Variants in ADAMTSL1 observed in about 807,000 individuals in gnomAD.
ADAMTSL1 encodes the protein ADAMTS like 1, also known as ADAMTS-like protein 1.
A neutral mutation model predicts 201.8 loss-of-function variants in ADAMTSL1; 126 were observed. The ratio of observed to expected loss-of-function variants is 0.62; its 90% CI spans 0.54 to 0.72. The LOEUF (loss-of-function observed/expected upper bound fraction) is 0.72, where lower values mean the gene tolerates loss of function less well. Among genes scored for constraint, ADAMTSL1 ranks in the 30% least tolerant of loss-of-function variants. The pLI, the probability that ADAMTSL1 is intolerant of heterozygous loss-of-function variation, is 0.00. For missense variants in ADAMTSL1, 2,679 were observed against 2,277.8 expected, an observed-to-expected ratio of 1.18 and a Z score of -3.59; for synonymous variants, 1,121 against 903.4, an observed-to-expected ratio of 1.24 and a Z score of -4.32.
intron 2 of ADAMTSL1, among the ~76,000 whole-genome samples, chr9:18,187,009 G>C (rs773467296): frequency 6.6e-6 from 1 of 152,148 alleles, no homozygotes; most frequent in African/African-American, 2.4e-5. Flanking sequence ...GAATACTTCA[G>C]TGGAAAGATA....
intron 8 of ADAMTSL1, among the ~76,000 whole-genome samples, chr9:18,658,453 CTTAA>C (rs1217609967): frequency 2.0e-5 from 3 of 152,154 alleles, no homozygotes; most frequent in African/African-American, 7.2e-5. Context: ...ATCAGGCTTA[CTTAA>C]TTAGAGAAAA....
intron 2 of ADAMTSL1, among the ~76,000 whole-genome samples, chr9:18,327,551 A>G (rs1223764707): frequency 6.6e-6 from 1 of 152,220 alleles, no homozygotes; most frequent in African/African-American, 2.4e-5. Flanking sequence ...GTAGATGTAG[A>G]TACTATAATA....
intron 2 of ADAMTSL1, among the ~76,000 whole-genome samples, chr9:18,415,547 C>G (rs1422066513): frequency 6.6e-6 from 1 of 152,044 alleles, no homozygotes; most frequent in East Asian, 1.9e-4. Flanking sequence ...AAGTATCAGT[C>G]AGCTGTGATA....
At chr9:18,197,126 A>G (rs1184340464) in intron 2 of ADAMTSL1, among the ~76,000 whole-genome samples, 2 of 152,172 alleles carry the variant, frequency 1.3e-5, no homozygotes, top group Admixed American at 6.6e-5. Context: ...TATTCAGAGT[A>G]ATGACTGAGT....
intron 17 of ADAMTSL1, among the ~76,000 whole-genome samples, chr9:18,773,153 A>T (rs961695280): frequency 6.6e-6 from 1 of 152,138 alleles, no homozygotes; most frequent in African/African-American, 2.4e-5. Context: ...TAAATGATCT[A>T]TGGGTGTTTT....
intron 13 of ADAMTSL1, among the ~76,000 whole-genome samples, chr9:18,696,056 CTT>C (rs1334795747): frequency 6.6e-6 from 1 of 152,152 alleles, no homozygotes; most frequent in Non-Finnish European, 1.5e-5. Flanking sequence ...AACCAGATCT[CTT>C]GAGAGCTCAC....
rs764624501 is a variant in ADAMTSL1 at position 18,775,776 on chromosome 9, C to G, written c.2431C>G (p.Arg811Gly). 2.5e-6 allele frequency: 4 copies of G among 1,612,984 alleles called. No homozygotes were observed. Among genetic ancestry groups the G allele is most frequent in the African/African-American group, 1.3e-5 (1 of 75,018 alleles). Residue 811 changes from arginine (R) to glycine (G), a missense_variant, in exon 18 of 29, where the codon CGA becomes GGA. Physicochemically the swap from Arg to Gly is moderately radical, Grantham distance 125 (BLOSUM62 -2). Coordinates refer to ENST00000380548, the MANE Select transcript of ADAMTSL1 (RefSeq NM_001040272.6). Reference protein sequence around the residue: ...STSCGEGTQTRSAICRKMLKT... With the variant: ...STSCGEGTQTGSAICRKMLKT... ...AAGCTGCGGGGAAGGCACCCAGACT[C>G]GAAGCGCCATTTGCCGAAAGATGCT...
At chr9:18,431,014 C>A (rs559648397) in intron 2 of ADAMTSL1, among the ~76,000 whole-genome samples, 9 of 152,228 alleles carry the variant, frequency 5.9e-5, no homozygotes, top group African/African-American at 2.2e-4. Flanking sequence ...TGCCCAGATG[C>A]GTACACTAAT....
intron 2 of ADAMTSL1, among the ~76,000 whole-genome samples, chr9:18,344,396 A>G (rs1283589630): frequency 6.6e-6 from 1 of 151,924 alleles, no homozygotes; most frequent in Non-Finnish European, 1.5e-5. Context: ...GCCTCAAGAG[A>G]TCCTTCTGCC....
At chr9:18,906,486 C>G (rs754652517) in intron 27 of ADAMTSL1, among the ~76,000 whole-genome samples, 1 of 152,168 alleles carries the variant, frequency 6.6e-6, no homozygotes, top group African/African-American at 2.4e-5. Context: ...CAGAGAAGAG[C>G]AGATGGAGGC....
At chr9:18,907,148 A>G in intron 28 of ADAMTSL1, 1 of 539,282 alleles carries the variant, frequency 1.9e-6, no homozygotes, top group South Asian at 2.3e-5. Context: ...GCCCTGAGAG[A>G]GCCAGGTGCT....
At chr9:18,510,227 AT>A (rs1817950315) in intron 2 of ADAMTSL1, among the ~76,000 whole-genome samples, 1 of 152,170 alleles carries the variant, frequency 6.6e-6, no homozygotes, top group Non-Finnish European at 1.5e-5. Context: ...GATTACTTAG[AT>A]TTTGTGGAAT....
At chr9:18,237,781 T>C (rs892511944) in intron 2 of ADAMTSL1, among the ~76,000 whole-genome samples, 2 of 152,256 alleles carry the variant, frequency 1.3e-5, no homozygotes, top group African/African-American at 2.4e-5. Context: ...CAGTACTTAA[T>C]TGTACACTGT....
intron 7 of ADAMTSL1, among the ~76,000 whole-genome samples, chr9:18,653,950 G>T (rs1281693152): frequency 6.6e-6 from 1 of 152,188 alleles, no homozygotes; most frequent in Non-Finnish European, 1.5e-5. Context: ...TCTTGGGGTT[G>T]GGTGTGGTGG....
intron 4 of ADAMTSL1, among the ~76,000 whole-genome samples, chr9:18,617,743 T>C (rs1825790005): frequency 6.6e-6 from 1 of 152,154 alleles, no homozygotes; most frequent in Non-Finnish European, 1.5e-5. Flanking sequence ...ACTATTAATT[T>C]GGTAAGTTTC....
intron 1 of ADAMTSL1, among the ~76,000 whole-genome samples, chr9:18,067,252 T>C (rs1251548132): frequency 6.6e-6 from 1 of 152,226 alleles, no homozygotes; most frequent in Non-Finnish European, 1.5e-5. Context: ...TGTGCTAACT[T>C]TCTCGTTGTT....
At chr9:18,767,470 T>C in intron 16 of ADAMTSL1, among the ~76,000 whole-genome samples, 1 of 152,184 alleles carries the variant, frequency 6.6e-6, no homozygotes. Context: ...GATTATAGTA[T>C]AACTTGTTGG....
At chr9:18,410,593 T>C (rs1818396419) in intron 2 of ADAMTSL1, among the ~76,000 whole-genome samples, 1 of 152,230 alleles carries the variant, frequency 6.6e-6, no homozygotes, top group African/African-American at 2.4e-5. Context: ...ACATGGTGCA[T>C]ATATACCACA....
chr9:18,388,613 T>C (rs1335423257), intron 2 of ADAMTSL1, among the ~76,000 whole-genome samples: 2 of 152,076 alleles, frequency 1.3e-5, no homozygotes, highest in Admixed American at 1.3e-4. Flanking sequence ...TGCTGCCTTT[T>C]TTTTTTTGTT....
Sources: allele counts gnomAD v4.1 joint callset (sites outside exome capture counted in the v4.1 genomes callset), GRCh38; gene constraint gnomAD v4.1.1; transcripts MANE v1.5; gene names NCBI Gene and HGNC (gene_info 2026-07-23, HGNC 2026-07-21).